Variants in ERG observed in about 807,000 individuals in gnomAD.
ERG encodes transcriptional regulator ERG.
In ERG, 9 loss-of-function variants were observed where a neutral mutation model predicts 55.3. The observed-to-expected ratio is 0.16, with a 90% CI of 0.10 to 0.28. The LOEUF (loss-of-function observed/expected upper bound fraction) is 0.28. Among genes scored for constraint, ERG ranks in the 10% least tolerant of loss-of-function variants. ERG has a pLI of 1.00. For synonymous variants in ERG, 223 were observed against 237.3 expected (o/e 0.94, Z 0.55); for missense variants, 434 against 631.6 (o/e 0.69, Z 3.35).
chr21:38,605,880 G>A (rs1327752796), intron 1 of ERG, among the ~76,000 whole-genome samples: 1 of 152,046 alleles, frequency 6.6e-6, no homozygotes, highest in East Asian at 1.9e-4. Context: ...ATAGATAAAT[G>A]ATAGATAGAT....
At chr21:38,384,302 A>G (rs1267918857) in intron 9 of ERG, among the ~76,000 whole-genome samples, 2 of 152,206 alleles carry the variant, frequency 1.3e-5, no homozygotes, top group Non-Finnish European at 2.9e-5. Flanking sequence ...GGCTTGGAGG[A>G]GGCCAGAAAC....
chr21:38,427,437 C>T (rs553473060), intron 2 of ERG, among the ~76,000 whole-genome samples: 1 of 152,280 alleles, frequency 6.6e-6, no homozygotes, highest in African/African-American at 2.4e-5. Flanking sequence ...GTTTTGGGAG[C>T]TTAATAGTTA....
intron 2 of ERG, among the ~76,000 whole-genome samples, chr21:38,556,911 C>T (rs767927921): frequency 4.6e-5 from 7 of 152,200 alleles, no homozygotes; most frequent in African/African-American, 7.2e-5. Context: ...CCCTGATTAA[C>T]GCTGGGGTAG....
chr21:38,492,761 C>G (rs562418454), intron 1 of ERG, among the ~76,000 whole-genome samples: 2 of 152,062 alleles, frequency 1.3e-5, no homozygotes, highest in African/African-American at 4.8e-5. Flanking sequence ...CTTGGCCAAG[C>G]TCAGTAGGGG....
intron 6 of ERG, among the ~76,000 whole-genome samples, chr21:38,394,242 G>T (rs767098123): frequency 6.6e-6 from 1 of 152,144 alleles, no homozygotes; most frequent in East Asian, 1.9e-4. Context: ...CTAGATCTCT[G>T]TTTCTCAAAG....
chr21:38,562,607 A>G (rs547116437), intron 2 of ERG, among the ~76,000 whole-genome samples: 1 of 152,346 alleles, frequency 6.6e-6, no homozygotes, highest in South Asian at 2.1e-4. Flanking sequence ...AGTATCTGTG[A>G]TCTGAACTAC....
At chr21:38,634,222 T>C (rs2060374465) in intron 1 of ERG, among the ~76,000 whole-genome samples, 2 of 152,210 alleles carry the variant, frequency 1.3e-5, no homozygotes, top group Non-Finnish European at 2.9e-5. Flanking sequence ...ATTCAGCCAC[T>C]ATTCACTGTA....
chr21:38,530,380 G>C (rs796327044), intron 2 of ERG, among the ~76,000 whole-genome samples: 2 of 152,258 alleles, frequency 1.3e-5, no homozygotes, highest in African/African-American at 4.8e-5. Context: ...TTGAAGGGAG[G>C]CATGATTGTG....
At chr21:38,578,334 T>C (rs2060007653) in intron 1 of ERG, among the ~76,000 whole-genome samples, 1 of 152,200 alleles carries the variant, frequency 6.6e-6, no homozygotes, top group African/African-American at 2.4e-5. Flanking sequence ...GGTAAATAGC[T>C]TGTTTCACTG....
At chr21:38,419,042 C>G (rs573525381) in intron 3 of ERG, among the ~76,000 whole-genome samples, 1 of 151,972 alleles carries the variant, frequency 6.6e-6, no homozygotes, top group Non-Finnish European at 1.5e-5. Flanking sequence ...GGATGTCACA[C>G]TTGTCAGGCC....
intron 1 of ERG, among the ~76,000 whole-genome samples, chr21:38,658,191 A>T (rs770724808): frequency 1.3e-5 from 2 of 152,228 alleles, no homozygotes; most frequent in Non-Finnish European, 2.9e-5. Context: ...GTAAAGAAGC[A>T]AAGAGGTGAC....
At chr21:38,583,831 A>G (rs190163365) in intron 1 of ERG, among the ~76,000 whole-genome samples, 1 of 152,318 alleles carries the variant, frequency 6.6e-6, no homozygotes, top group Admixed American at 6.5e-5. Flanking sequence ...TTTTCCTCAA[A>G]GCCCTCAGAG....
chr21:38,534,620 G>A (rs2059696265), intron 2 of ERG, among the ~76,000 whole-genome samples: 1 of 152,130 alleles, frequency 6.6e-6, no homozygotes, highest in South Asian at 2.1e-4. Context: ...CACTGCTGGT[G>A]GGAATATCAA....
intron 1 of ERG, among the ~76,000 whole-genome samples, chr21:38,493,862 G>T (rs1277190621): frequency 6.6e-6 from 1 of 152,236 alleles, no homozygotes; most frequent in African/African-American, 2.4e-5. Context: ...GGGTGTGGGA[G>T]GCCGCACATC....
At chr21:38,419,924 G>A (rs950835350) in intron 3 of ERG, among the ~76,000 whole-genome samples, 13 of 152,038 alleles carry the variant, frequency 8.6e-5, no homozygotes, top group African/African-American at 3.1e-4. Context: ...CTCAGTCTCC[G>A]TACAGTACAA....
chr21:38,549,324 C>G (rs2059808888), intron 2 of ERG, among the ~76,000 whole-genome samples: 1 of 152,114 alleles, frequency 6.6e-6, no homozygotes, highest in South Asian at 2.1e-4. Flanking sequence ...ATAAGGACCC[C>G]AAACTATTGC....
chr21:38,651,323 T>C (rs929465855), intron 1 of ERG, among the ~76,000 whole-genome samples: 6 of 152,210 alleles, frequency 3.9e-5, no homozygotes, highest in African/African-American at 1.2e-4. Flanking sequence ...AGAGACATAA[T>C]AGATGTTGCG....
chr21:38,397,687 A>C (rs1988296660), intron 6 of ERG, among the ~76,000 whole-genome samples: 1 of 151,832 alleles, frequency 6.6e-6, no homozygotes, highest in Non-Finnish European at 1.5e-5. Flanking sequence ...GGTGACTCAC[A>C]GTGGGAAGGG....
At chr21:38,530,346 C>T (rs1405153496) in intron 2 of ERG, among the ~76,000 whole-genome samples, 2 of 152,158 alleles carry the variant, frequency 1.3e-5, no homozygotes, top group Non-Finnish European at 2.9e-5. Flanking sequence ...AGAAGTGAGC[C>T]ACTGCGTCCA....
Sources: gnomAD v4.1 joint callset for allele counts (sites outside exome capture counted in the v4.1 genomes callset) on GRCh38, gnomAD v4.1.1 for gene constraint, MANE v1.5 for transcripts, NCBI Gene and HGNC (gene_info 2026-07-23, HGNC 2026-07-21) for gene names.